Variants in AK5 observed in about 807,000 individuals in gnomAD.
The protein encoded by AK5 is adenylate kinase isoenzyme 5.
Under a neutral mutation model 69.5 loss-of-function variants are expected in AK5, and 27 were observed. The observed-to-expected ratio is 0.39, with a 90% CI of 0.29 to 0.54. The LOEUF (loss-of-function observed/expected upper bound fraction) is 0.54, where lower values mean the gene tolerates loss of function less well. AK5 is among the 20% of genes least tolerant of loss of function. The pLI is 0.71. For synonymous variants in AK5, 260 were observed against 244.4 expected (o/e 1.06, Z -0.60); for missense variants, 531 against 700.4 (o/e 0.76, Z 2.73).
At chr1:77,490,306 G>C (rs546850694) in intron 10 of AK5, among the ~76,000 whole-genome samples, 2 of 152,102 alleles carry the variant, frequency 1.3e-5, no homozygotes, top group African/African-American at 4.8e-5. Flanking sequence ...CCCTGAGCTG[G>C]TGCTGTTTCT....
At chr1:77,557,187 A>T (rs529216790) in intron 13 of AK5, 1 of 152,720 alleles carries the variant, frequency 6.5e-6, no homozygotes, top group East Asian at 1.9e-4. Context: ...ATAGCACTCC[A>T]TCAATGATGG....
At chr1:77,458,977 C>A (rs988423694) in intron 8 of AK5, among the ~76,000 whole-genome samples, 1 of 152,130 alleles carries the variant, frequency 6.6e-6, no homozygotes, top group Admixed American at 6.5e-5. Flanking sequence ...GTGTCTTGCC[C>A]AGGGAGCAGG....
intron 3 of AK5, among the ~76,000 whole-genome samples, chr1:77,296,852 A>G (rs1659034025): frequency 6.6e-6 from 1 of 152,196 alleles, no homozygotes; most frequent in African/African-American, 2.4e-5. Flanking sequence ...TTTCCTCTGT[A>G]TATGGATATG....
chr1:77,337,356 T>G (rs1426405658), intron 5 of AK5, among the ~76,000 whole-genome samples: 1 of 152,198 alleles, frequency 6.6e-6, no homozygotes, highest in Non-Finnish European at 1.5e-5. Flanking sequence ...AGTAAAACAT[T>G]TCAGTGCAAA....
At chr1:77,535,195 G>A (rs1208588242) in intron 12 of AK5, among the ~76,000 whole-genome samples, 2 of 152,174 alleles carry the variant, frequency 1.3e-5, no homozygotes, top group Non-Finnish European at 2.9e-5. Flanking sequence ...GACTCTAAAA[G>A]CATGGACATT....
intron 6 of AK5, among the ~76,000 whole-genome samples, chr1:77,368,336 ATG>A (rs1557535944): frequency 7.3e-6 from 1 of 136,358 alleles, no homozygotes; most frequent in East Asian, 2.1e-4. Flanking sequence ...TATGTTATAT[ATG>A]TTATATATAT....
At chr1:77,419,727 T>G (rs1345861950) in intron 8 of AK5, among the ~76,000 whole-genome samples, 2 of 152,200 alleles carry the variant, frequency 1.3e-5, no homozygotes, top group Non-Finnish European at 2.9e-5. Flanking sequence ...TGGTTCAACA[T>G]ATTCTAAAAG....
chr1:77,394,802 G>T (rs770369072), intron 6 of AK5, among the ~76,000 whole-genome samples: 4 of 152,020 alleles, frequency 2.6e-5, no homozygotes, highest in Non-Finnish European at 5.9e-5. Flanking sequence ...CATACTATCC[G>T]CAACAAATGT....
intron 10 of AK5, among the ~76,000 whole-genome samples, chr1:77,512,226 C>T (rs946549173): frequency 1.3e-5 from 2 of 152,004 alleles, no homozygotes; most frequent in African/African-American, 4.8e-5. Context: ...CACATATATA[C>T]GTATGTGTGT....
chr1:77,533,559 G>A (rs12740982), intron 12 of AK5, among the ~76,000 whole-genome samples: 2,323 of 149,990 alleles, frequency 0.015, 39 homozygotes, highest in Non-Finnish European at 0.024. Context: ...AGCAGGTCGC[G>A]TGTTGTGCCT....
chr1:77,518,699 T>G lies in AK5; in HGVS notation c.1283T>G (p.Ile428Ser), dbSNP rs143683857. The G allele has an allele frequency of 6.2e-7, 1 of 1,614,104 alleles. No individual in the cohort carries two copies. The highest frequency in any genetic ancestry group is 8.5e-7 in the Non-Finnish European group (1 of 1,180,032). ...ESERSKLIRD[I>S]MERGDLVPSG... Reference sequence around the variant, plus strand: ...GAAAGAAGCAAATTGATCAGAGACATTATGGAACGTGGAGACCTGGTGCCC... The same window carrying G: ...GAAAGAAGCAAATTGATCAGAGACAGTATGGAACGTGGAGACCTGGTGCCC... The change falls in exon 11 of 14, where the codon ATT becomes AGT. Residue 428 changes from isoleucine (I) to serine (S), a missense_variant. Coordinates refer to ENST00000354567, the MANE Select transcript of AK5 (RefSeq NM_174858.3).
At position 77,520,202 on chromosome 1, in the gene AK5, C is replaced by CAAA. The variant is rs377135288; in HGVS notation, c.1311+1492_1311+1494dup. ...CAGGCAACAGCGTGAAACTCCATCT[C>CAAA]AAAAAAAAAAAAAAAAAAAGAGAAT... On this transcript the variant is annotated intron_variant, in intron 11 of 13. Transcript: ENST00000354567. Among the ~76,000 whole-genome samples the CAAA allele has an allele frequency of 2.0e-3, 223 of 110,518 alleles. 2 individuals carry two copies. The highest frequency in any genetic ancestry group is 0.013 in the Middle Eastern group (3 of 228). 72.5% of individuals were successfully genotyped at this position (110,518 alleles called of 152,430 possible). A position where few individuals can be genotyped will look rare whatever the true frequency, so the allele number is the denominator to read the frequency against.
intron 10 of AK5, among the ~76,000 whole-genome samples, chr1:77,491,671 G>A (rs759759587): frequency 6.6e-6 from 1 of 152,134 alleles, no homozygotes; most frequent in African/African-American, 2.4e-5. Flanking sequence ...ATTGACCCAC[G>A]TATTTGGTTA....
intron 8 of AK5, among the ~76,000 whole-genome samples, chr1:77,480,347 A>G (rs1655184300): frequency 6.6e-6 from 1 of 152,162 alleles, no homozygotes; most frequent in Non-Finnish European, 1.5e-5. Context: ...TTGATGAATT[A>G]ATGAAAATAA....
intron 11 of AK5, 87 bp from the exon 12 acceptor site, chr1:77,521,740 C>G: frequency 1.1e-6 from 1 of 939,764 alleles, no homozygotes; most frequent in Non-Finnish European, 1.7e-6. Flanking sequence ...CTTCCTCCCT[C>G]CCTCAGTGGA....
intron 6 of AK5, among the ~76,000 whole-genome samples, chr1:77,377,176 A>G (rs11162330): frequency 0.67 from 102,260 of 151,906 alleles, 35,073 homozygotes; most frequent in Admixed American, 0.73. Flanking sequence ...ATGGAAGCTC[A>G]AAACACATAT....
At chr1:77,331,991 G>A (rs1661108494) in intron 5 of AK5, among the ~76,000 whole-genome samples, 1 of 152,138 alleles carries the variant, frequency 6.6e-6, no homozygotes, top group Admixed American at 6.6e-5. Flanking sequence ...AGGCTGGAGT[G>A]CAGTGGCACC....
intron 6 of AK5, among the ~76,000 whole-genome samples, chr1:77,344,186 C>T (rs1425889965): frequency 6.6e-6 from 1 of 152,178 alleles, no homozygotes; most frequent in Non-Finnish European, 1.5e-5. Flanking sequence ...CCAAGAAAAA[C>T]ATGCTGTTGC....
intron 13 of AK5, among the ~76,000 whole-genome samples, chr1:77,541,800 A>G (rs1217013094): frequency 6.6e-6 from 1 of 152,010 alleles, no homozygotes; most frequent in Non-Finnish European, 1.5e-5. Context: ...CAGCTTTCGC[A>G]TTTGCACATT....
Sources: allele counts gnomAD v4.1 joint callset (sites outside exome capture counted in the v4.1 genomes callset), GRCh38; gene constraint gnomAD v4.1.1; transcripts MANE v1.5; gene names NCBI Gene and HGNC (gene_info 2026-07-23, HGNC 2026-07-21).